The following NCOA2 variants were observed in gnomAD, a reference collection of about 807,000 sequenced individuals.
The protein encoded by NCOA2 is nuclear receptor coactivator 2, also known as class E basic helix-loop-helix protein 75.
In NCOA2, 21 loss-of-function variants were observed where a neutral mutation model predicts 145.1. The ratio of observed to expected loss-of-function variants is 0.14; its 90% CI spans 0.10 to 0.21. The LOEUF is 0.21. NCOA2 is among the 10% of genes least tolerant of loss of function. The probability of loss-of-function intolerance (pLI) is 1.00; values close to 1 mark genes in which losing one functional copy is unlikely to be tolerated. For synonymous variants in NCOA2, 619 were observed against 637.5 expected (o/e 0.97, Z 0.44); for missense variants, 1,472 against 1,837.6 (o/e 0.80, Z 3.64).
At chr8:70,220,943 C>G (rs1044031289) in intron 2 of NCOA2, among the ~76,000 whole-genome samples, 2 of 152,190 alleles carry the variant, frequency 1.3e-5, no homozygotes, top group Non-Finnish European at 2.9e-5. Context: ...CTGATCCTGA[C>G]TGCTAGCTCC....
chr8:70,452,725 C>G, the NCOA2 span, among the ~76,000 whole-genome samples: 3 of 147,208 alleles, frequency 2.0e-5, no homozygotes, highest in South Asian at 4.3e-4. Flanking sequence ...TTTAAAATTG[C>G]AAAAAGAAAA....
chr8:70,197,626 T>C (rs1013358433), intron 4 of NCOA2, among the ~76,000 whole-genome samples: 5 of 152,232 alleles, frequency 3.3e-5, no homozygotes, highest in Non-Finnish European at 7.3e-5. Context: ...TATGAATTAA[T>C]AAGAAATCAC....
chr8:70,260,393 A>G (rs1468541255), intron 2 of NCOA2, among the ~76,000 whole-genome samples: 1 of 152,132 alleles, frequency 6.6e-6, no homozygotes, highest in Non-Finnish European at 1.5e-5. Context: ...TCAGCCTCCC[A>G]AAGTGCTGGG....
intron 4 of NCOA2, among the ~76,000 whole-genome samples, chr8:70,181,214 C>T (rs896745236): frequency 3.3e-5 from 5 of 152,178 alleles, no homozygotes; most frequent in African/African-American, 1.2e-4. Context: ...CGTAATTGTT[C>T]TAACTCCAGC....
chr8:70,233,373 T>G (rs1030222914), intron 2 of NCOA2, among the ~76,000 whole-genome samples: 2 of 152,178 alleles, frequency 1.3e-5, no homozygotes, highest in Non-Finnish European at 2.9e-5. Context: ...TTATAAATCA[T>G]CTCACATCCA....
chr8:70,138,578 CAAA>C (rs1188405018), intron 14 of NCOA2, among the ~76,000 whole-genome samples: 1 of 152,022 alleles, frequency 6.6e-6, no homozygotes, highest in African/African-American at 2.4e-5. Context: ...TTTAAATACT[CAAA>C]AAAGTTTTTA....
At chr8:70,258,376 C>T (rs1053281833) in intron 2 of NCOA2, among the ~76,000 whole-genome samples, 3 of 152,160 alleles carry the variant, frequency 2.0e-5, no homozygotes, top group African/African-American at 7.2e-5. Flanking sequence ...CTACCGTGCC[C>T]AACTTTCAAG....
intron 1 of NCOA2, among the ~76,000 whole-genome samples, chr8:70,326,193 T>G (rs1252937303): frequency 6.6e-6 from 1 of 152,190 alleles, no homozygotes; most frequent in Non-Finnish European, 1.5e-5. Context: ...AAACTGTAAG[T>G]CTGTGTACAT....
At chr8:70,450,498 G>A in the NCOA2 span, among the ~76,000 whole-genome samples, 1 of 147,580 alleles carries the variant, frequency 6.8e-6, no homozygotes. Context: ...AATTTCTGTT[G>A]TTTATAAACT....
At position 70,156,558 on chromosome 8, in the gene NCOA2, T is replaced by C; in HGVS notation, c.1807A>G (p.Ser603Gly). 6.2e-7 allele frequency: 1 copy of C among 1,613,986 alleles called. No individual in the cohort carries two copies. Among genetic ancestry groups the C allele is most frequent in the African/African-American group, 1.3e-5 (1 of 75,058 alleles). Residue 603 changes from serine (S) to glycine (G), a missense_variant, in exon 11 of 23, where the codon AGC becomes GGC. By Grantham distance (56) the Ser-to-Gly change is moderately conservative (BLOSUM62 0). Transcript: ENST00000452400. ...TCCTTTTGCTCTCCAGGATGGCAGC[T>C]GCTCTCTGCTTGTCCAGTTGTACCT... ...SEGTTGQAES[S>G]CHPGEQKETN... is the part of the protein sequence containing the mutation.
rs1008333039 is a variant in NCOA2 at position 70,141,241 on chromosome 8, T to C, written c.2971A>G (p.Arg991Gly). The change falls in exon 14 of 23, where the codon AGG (arginine) becomes GGG (glycine). Residue 991 changes from arginine (R) to glycine (G), a missense_variant. Coordinates refer to ENST00000452400, the MANE Select transcript of NCOA2 (RefSeq NM_006540.4). ...CTTTGGCCAGGCTGGCTGCTGGGCCTCATGGGGATGCTGGCTGCTGGGTTC... is the reference window on the plus strand; with the variant it reads ...CTTTGGCCAGGCTGGCTGCTGGGCCCCATGGGGATGCTGGCTGCTGGGTTC... The part of the protein sequence containing the change: ...IRNPAASIPM[R>G]PSSQPGQRQT... 6 of 1,613,748 alleles carry C rather than the reference T, an allele frequency of 3.7e-6. No individual in the cohort carries two copies. In the African/African-American group the frequency reaches 6.7e-5, roughly 18 times the overall value.
chr8:70,414,295 C>A, the NCOA2 span, among the ~76,000 whole-genome samples: 1 of 152,190 alleles, frequency 6.6e-6, no homozygotes, highest in Non-Finnish European at 1.5e-5. Flanking sequence ...CCTGCCTCTT[C>A]CCTTATCCTC....
chr8:70,181,995 G>A, intron 4 of NCOA2, among the ~76,000 whole-genome samples: 1 of 152,166 alleles, frequency 6.6e-6, no homozygotes, highest in Non-Finnish European at 1.5e-5. Flanking sequence ...AGAGAATTAT[G>A]CATCTGCACC....
At chr8:70,250,021 A>C (rs571700416) in intron 2 of NCOA2, among the ~76,000 whole-genome samples, 1 of 151,232 alleles carries the variant, frequency 6.6e-6, no homozygotes, top group South Asian at 2.1e-4. Context: ...TGATGATGAG[A>C]GTTAAACTGG....
intron 5 of NCOA2, among the ~76,000 whole-genome samples, chr8:70,173,917 G>A (rs1814535857): frequency 1.3e-5 from 2 of 152,192 alleles, no homozygotes; most frequent in Non-Finnish European, 2.9e-5. Flanking sequence ...ATTGTCTGCT[G>A]CAGCAAGCTA....
chr8:70,304,878 A>T (rs1164256555), intron 1 of NCOA2, among the ~76,000 whole-genome samples: 3 of 141,880 alleles, frequency 2.1e-5, no homozygotes, highest in African/African-American at 7.9e-5. Context: ...TTTTTTTGAG[A>T]CAGGGTCTTG....
At chr8:70,275,032 A>T (rs1466165639) in intron 2 of NCOA2, among the ~76,000 whole-genome samples, 1 of 152,208 alleles carries the variant, frequency 6.6e-6, no homozygotes, top group African/African-American at 2.4e-5. Context: ...AAATTTCTGC[A>T]CATAAAAAAC....
At chr8:70,346,262 C>T (rs186034565) in intron 1 of NCOA2, among the ~76,000 whole-genome samples, 1 of 152,336 alleles carries the variant, frequency 6.6e-6, no homozygotes, top group East Asian at 1.9e-4. Context: ...CCTGGCCAAG[C>T]CACCGAACCT....
chr8:70,166,880 CTAAA>C, intron 6 of NCOA2, 126 bp from the exon 7 acceptor site: 1 of 855,446 alleles, frequency 1.2e-6, no homozygotes, highest in Admixed American at 2.6e-5. Flanking sequence ...TTATACTTGT[CTAAA>C]TACTTTCATA....
Sources: gnomAD v4.1 joint callset for allele counts (sites outside exome capture counted in the v4.1 genomes callset) on GRCh38, gnomAD v4.1.1 for gene constraint, MANE v1.5 for transcripts, NCBI Gene and HGNC (gene_info 2026-07-23, HGNC 2026-07-21) for gene names.